The following ME3 variants were observed in gnomAD, a reference collection of about 807,000 sequenced individuals.
ME3 encodes the protein malic enzyme 3, also known as NADP-dependent malic enzyme, mitochondrial.
Under a neutral mutation model 68.9 loss-of-function variants are expected in ME3, and 48 were observed. The observed-to-expected ratio is 0.70, with a 90% CI of 0.55 to 0.89. The LOEUF is 0.89. ME3 is among the 40% of genes least tolerant of loss of function. The pLI is 0.00. For missense variants in ME3, 675 were observed against 797.4 expected, an observed-to-expected ratio of 0.85 and a Z score of 1.85; for synonymous variants, 320 against 318.8, an observed-to-expected ratio of 1.00 and a Z score of -0.04.
At chr11:86,631,383 T>C (rs890570530) in intron 2 of ME3, among the ~76,000 whole-genome samples, 2 of 152,152 alleles carry the variant, frequency 1.3e-5, no homozygotes, top group African/African-American at 2.4e-5. Flanking sequence ...CTTCCAAATC[T>C]AAGGTCAGTC....
intron 2 of ME3, among the ~76,000 whole-genome samples, chr11:86,669,534 G>A (rs772629801): frequency 9.2e-5 from 14 of 152,172 alleles, no homozygotes; most frequent in Non-Finnish European, 1.9e-4. Context: ...GCTAGCAGGG[G>A]AAATGTGTCA....
chr11:86,653,059 T>C (rs749601701), intron 2 of ME3, among the ~76,000 whole-genome samples: 37 of 152,126 alleles, frequency 2.4e-4, no homozygotes, highest in Non-Finnish European at 4.7e-4. Flanking sequence ...CCTAAGTATA[T>C]ATGCACCCAA....
At position 86,594,582 on chromosome 11, in the gene ME3, T is replaced by C. The variant is rs551395044; in HGVS notation, c.184-34759A>G. The stretch of plus-strand genomic sequence containing the variant: ...TGGTGATGCATGCTTATAGCCCAGC[T>C]ACTTGGGAGGCTGAGATGGGAAGAT... On this transcript the variant is annotated intron_variant, in intron 2 of 14. Transcript: ENST00000543262. Among the ~76,000 whole-genome samples, 6 of 145,812 alleles carry C rather than the reference T, an allele frequency of 4.1e-5. 2 individuals are homozygous for C. The highest frequency in any genetic ancestry group is 2.3e-4 in the South Asian group (1 of 4,398).
intron 2 of ME3, among the ~76,000 whole-genome samples, chr11:86,655,531 A>T (rs559194816): frequency 6.6e-4 from 100 of 152,252 alleles, no homozygotes; most frequent in Middle Eastern, 3.4e-3. Flanking sequence ...GTGCTGGGAA[A>T]ACTGGCTAGC....
intron 2 of ME3, among the ~76,000 whole-genome samples, chr11:86,606,288 A>T (rs749698512): frequency 1.3e-5 from 2 of 152,210 alleles, no homozygotes; most frequent in African/African-American, 2.4e-5. Context: ...ACCTGGCTCC[A>T]TGTACACTAT....
chr11:86,651,984 A>C (rs2135437402), intron 2 of ME3, among the ~76,000 whole-genome samples: 1 of 152,350 alleles, frequency 6.6e-6, no homozygotes, highest in African/African-American at 2.4e-5. Flanking sequence ...AACTGGAAGA[A>C]AGGGTATCAG....
intron 4 of ME3, among the ~76,000 whole-genome samples, chr11:86,525,925 A>G (rs1013740883): frequency 2.0e-5 from 3 of 151,878 alleles, no homozygotes; most frequent in Non-Finnish European, 4.4e-5. Context: ...GCTCCAGTCT[A>G]CAGCTCCCAG....
rs534361097 is a variant in ME3, at chr11:86,600,349, C to G, written c.184-40526G>C. Among the ~76,000 whole-genome samples, 6 of 152,252 alleles carry G rather than the reference C, an allele frequency of 3.9e-5. 1 individual carries two copies. The South Asian group carries it at 1.0e-3, about 26-fold the overall frequency. ...CTAAACCAACAAAGATCAAAAGAGA[C>G]AAAGAAGGCCATTACATAATGGTGA... On this transcript the variant is annotated intron_variant, in intron 2 of 14. Transcript: ENST00000543262.
intron 4 of ME3, among the ~76,000 whole-genome samples, chr11:86,533,313 T>C (rs1456011073): frequency 6.6e-6 from 1 of 151,970 alleles, no homozygotes; most frequent in Non-Finnish European, 1.5e-5. Flanking sequence ...AGAGAAGATA[T>C]TACAGCTGAT....
chr11:86,650,901 C>T (rs1945365914), intron 2 of ME3, among the ~76,000 whole-genome samples: 1 of 152,212 alleles, frequency 6.6e-6, no homozygotes, highest in Admixed American at 6.5e-5. Context: ...CACCCTAATA[C>T]TGCACTTTTC....
At chr11:86,530,950 T>A (rs1218284388) in intron 4 of ME3, among the ~76,000 whole-genome samples, 1 of 152,144 alleles carries the variant, frequency 6.6e-6, no homozygotes, top group Non-Finnish European at 1.5e-5. Flanking sequence ...AAGGACTTCA[T>A]GTCTAAAACA....
intron 8 of ME3, among the ~76,000 whole-genome samples, chr11:86,457,171 A>C (rs921778632): frequency 1.3e-5 from 2 of 152,158 alleles, no homozygotes; most frequent in African/African-American, 2.4e-5. Context: ...TCTCTACTGG[A>C]TCATTCTCAT....
At chr11:86,438,993 A>C (rs1433475451), downstream of ME3, among the ~76,000 whole-genome samples, 1 of 152,178 alleles carries the variant, frequency 6.6e-6, no homozygotes, top group Non-Finnish European at 1.5e-5. Context: ...AGGCAGGAAA[A>C]AGCCAATATC....
chr11:86,588,097 G>T (rs954588591), intron 2 of ME3, among the ~76,000 whole-genome samples: 6 of 152,172 alleles, frequency 3.9e-5, no homozygotes, highest in African/African-American at 1.4e-4. Context: ...CTTACTATGT[G>T]CCAGGCATTG....
intron 2 of ME3, among the ~76,000 whole-genome samples, chr11:86,625,461 C>T (rs994777958): frequency 2.6e-5 from 4 of 152,290 alleles, no homozygotes; most frequent in African/African-American, 4.8e-5. Flanking sequence ...GGAAAGCACT[C>T]GCCTGCCAGC....
intron 10 of ME3, 65 bp from the exon 11 acceptor site, chr11:86,448,320 A>G: frequency 8.2e-7 from 1 of 1,223,910 alleles, no homozygotes. Context: ...GTACAGATGC[A>G]TTTGGAAACT....
chr11:86,507,976 CA>C (rs60253913), intron 5 of ME3, among the ~76,000 whole-genome samples: 95,452 of 143,226 alleles, frequency 0.67, 31,301 homozygotes, highest in Admixed American at 0.71. Flanking sequence ...GACTCTGTCT[CA>C]AAAAAAAAAA....
chr11:86,522,408 A>G (rs1270142986), intron 4 of ME3, among the ~76,000 whole-genome samples: 1 of 146,160 alleles, frequency 6.8e-6, no homozygotes, highest in African/African-American at 2.6e-5. Context: ...TGCAGAATGT[A>G]TTGTTACATA....
intron 4 of ME3, among the ~76,000 whole-genome samples, chr11:86,525,937 G>T (rs894773853): frequency 6.6e-6 from 1 of 151,954 alleles, no homozygotes; most frequent in Non-Finnish European, 1.5e-5. Context: ...AGCTCCCAGC[G>T]TGAGCAACAG....
Sources: gnomAD v4.1 joint callset for allele counts (sites outside exome capture counted in the v4.1 genomes callset) on GRCh38, gnomAD v4.1.1 for gene constraint, MANE v1.5 for transcripts, NCBI Gene and HGNC (gene_info 2026-07-23, HGNC 2026-07-21) for gene names.